Variants in CELF2 observed in about 807,000 individuals in gnomAD.
CELF2 encodes the protein CUGBP Elav-like family member 2.
CELF2 carries 8 observed loss-of-function variants against 62.6 expected under a neutral mutation model. The observed-to-expected ratio is 0.13, with a 90% CI of 0.07 to 0.23. CELF2 has a LOEUF of 0.23. Among genes scored for constraint, CELF2 ranks in the 10% least tolerant of loss-of-function variants. The pLI, the probability that CELF2 is intolerant of heterozygous loss-of-function variation, is 1.00. For synonymous variants in CELF2, 258 were observed against 250.0 expected, an observed-to-expected ratio of 1.03 and a Z score of -0.30; for missense variants, 333 against 671.0, an observed-to-expected ratio of 0.50 and a Z score of 5.56.
rs890030855 is a variant in CELF2 at position 11,152,343 on chromosome 10, G to A, written c.75-13143G>A. Reference sequence around the variant, plus strand: ...TGAGGAATATAAGAGCAGTGACAACGCATTGTTCATCATTGTGTTCTGAAC... The same window carrying A: ...TGAGGAATATAAGAGCAGTGACAACACATTGTTCATCATTGTGTTCTGAAC... On this transcript the variant is annotated intron_variant, in intron 1 of 12. Coordinates refer to ENST00000633077, the MANE Select transcript of CELF2 (RefSeq NM_001326342.2). Among the ~76,000 whole-genome samples, 8 of 152,122 alleles carry A rather than the reference G, an allele frequency of 5.3e-5. No homozygotes were observed. In the South Asian group the frequency reaches 6.2e-4, roughly 12 times the overall value.
chr10:10,678,790 A>C, the CELF2 span, among the ~76,000 whole-genome samples: 1 of 152,220 alleles, frequency 6.6e-6, no homozygotes, highest in East Asian at 1.9e-4. Flanking sequence ...AGGAAGTTAT[A>C]GTTCTCTGTT....
Position 11,217,198 on chromosome 10 carries a change from G to T in CELF2, c.272-227G>T, listed in dbSNP as rs1196536093. 6.6e-6 allele frequency among the ~76,000 whole-genome samples: 1 copy of T among 152,186 alleles called. No homozygotes were observed. The highest frequency in any genetic ancestry group is 6.5e-5 in the Admixed American group (1 of 15,276). ...AATAGCTGTATTCCAGAGAGGTGAG[G>T]CACAGAGTCAGGAATTGATCTCCAA... On this transcript the variant is annotated intron_variant, in intron 2 of 12. Transcript: ENST00000633077. The surrounding 1 kb of genome is among the most constrained non-coding windows in gnomAD (Gnocchi z 5.6).
intron 1 of CELF2, chr10:11,096,271 C>T (rs369579434): frequency 6.6e-6 from 1 of 152,192 alleles, no homozygotes; most frequent in Non-Finnish European, 1.5e-5. Context: ...TGTTGCCTCC[C>T]TCCTGCTAAT....
chr10:11,114,073 T>G (rs1340068462), intron 1 of CELF2, among the ~76,000 whole-genome samples: 1 of 152,200 alleles, frequency 6.6e-6, no homozygotes, highest in Non-Finnish European at 1.5e-5. Context: ...AATGCTTCTG[T>G]GCTTTGATTA....
In CELF2 at chr10:11,025,668, G is replaced by A. The variant is rs114953163; in HGVS notation, c.74+7505G>A. On this transcript the variant is annotated intron_variant, in intron 1 of 12. Transcript: ENST00000633077. ...ATGGACTAATACAGCATAGGTCTTCGCTTTCTTAAAATATTTACCACGAAA... is the reference window on the plus strand; with the variant it reads ...ATGGACTAATACAGCATAGGTCTTCACTTTCTTAAAATATTTACCACGAAA... 2.4e-3 allele frequency among the ~76,000 whole-genome samples: 371 copies of A among 152,250 alleles called. 4 individuals are homozygous for A. Among genetic ancestry groups the A allele is most frequent in the South Asian group, 8.1e-3 (39 of 4,820 alleles).
chr10:10,650,892 T>A, the CELF2 span, among the ~76,000 whole-genome samples: 1 of 152,006 alleles, frequency 6.6e-6, no homozygotes, highest in Admixed American at 6.5e-5. Flanking sequence ...TAGGAACAGC[T>A]CCGGTCTACA....
intron 8 of CELF2, among the ~76,000 whole-genome samples, chr10:11,282,593 G>T (rs1335433347): frequency 1.3e-5 from 2 of 152,196 alleles, no homozygotes; most frequent in African/African-American, 4.8e-5. Flanking sequence ...CTTCTTTTTT[G>T]AGCTTAACTC....
Position 11,178,764 on chromosome 10 carries a change from G to A in CELF2, c.271+13082G>A, listed in dbSNP as rs1173900400. On this transcript the variant is annotated intron_variant, in intron 2 of 12. Transcript: ENST00000633077. The surrounding 1 kb of genome is among the most constrained non-coding windows in gnomAD (Gnocchi z 4.3). ...CGGCTAGAATGCTCAGGAGATAAGA[G>A]TGGGGCCTATCGCTCTGTGGCTTTC... is the stretch of plus-strand genomic sequence containing the variant. Among the ~76,000 whole-genome samples the A allele has an allele frequency of 6.6e-6, 1 of 152,248 alleles. No individual in the cohort carries two copies. The highest frequency in any genetic ancestry group is 2.4e-5 in the African/African-American group (1 of 41,470).
chr10:10,589,303 C>A, the CELF2 span, among the ~76,000 whole-genome samples: 1 of 152,170 alleles, frequency 6.6e-6, no homozygotes, highest in Non-Finnish European at 1.5e-5. Flanking sequence ...GCAGATGAAG[C>A]TTCCCACTTA....
At position 10,893,790 on chromosome 10, in the gene CELF2, G is replaced by A. The variant is rs76128140; in HGVS notation, c.54-26174G>A. Among the ~76,000 whole-genome samples, 871 of 152,256 alleles carry A rather than the reference G, an allele frequency of 5.7e-3. 7 individuals are homozygous for A. Among genetic ancestry groups the A allele is most frequent in the African/African-American group, 0.019 (804 of 41,534 alleles). ...GTACACTTTTAAACAATCAGATCTC[G>A]TGAGAGCTCACTCACTATCTCAAGA... is the stretch of plus-strand genomic sequence containing the variant. On this transcript the variant is annotated intron_variant, in intron 1 of 13. Coordinates refer to the CELF2 transcript ENST00000636488.
At position 10,993,531 on chromosome 10, in the gene CELF2, A is replaced by G. The variant is rs1223724401; in HGVS notation, c.89+73532A>G. Among the ~76,000 whole-genome samples the G allele has an allele frequency of 6.6e-6, 1 of 152,194 alleles. No homozygotes were observed. Among genetic ancestry groups the G allele is most frequent in the Non-Finnish European group, 1.5e-5 (1 of 68,028 alleles). On this transcript the variant is annotated intron_variant, in intron 2 of 13. Coordinates refer to the CELF2 transcript ENST00000636488. The surrounding 1 kb of genome is among the most constrained non-coding windows in gnomAD (Gnocchi z 5.3). ...GTATAGAAGTCTAACAGCCTAAGCC[A>G]CTGGGAACACACTTGTAGTCAAAGC...
intron 1 of CELF2, among the ~76,000 whole-genome samples, chr10:10,804,323 A>G (rs1171791023): frequency 6.6e-6 from 1 of 152,248 alleles, no homozygotes. Flanking sequence ...ACTTTATTTA[A>G]ACAGATTGTC....
At chr10:11,062,428 G>A (rs1267279029) in intron 1 of CELF2, among the ~76,000 whole-genome samples, 2 of 152,224 alleles carry the variant, frequency 1.3e-5, no homozygotes, top group South Asian at 2.1e-4. Flanking sequence ...CCATATTAGA[G>A]GTCATTAAGA....
the CELF2 span, among the ~76,000 whole-genome samples, chr10:10,724,655 C>CAAAAAAAAAAA: frequency 1.2e-5 from 1 of 81,184 alleles, no homozygotes; most frequent in Non-Finnish European, 2.3e-5. Flanking sequence ...GACTCCGTCT[C>CAAAAAAAAAAA]AAAAAAAAAA....
intron 1 of CELF2, among the ~76,000 whole-genome samples, chr10:11,109,834 C>T (rs901328357): frequency 2.6e-5 from 4 of 152,160 alleles, no homozygotes; most frequent in African/African-American, 7.2e-5. Context: ...CCTCTCTCCC[C>T]GCCCCCTGAC....
chr10:11,319,802 T>G lies in CELF2; in HGVS notation c.1097-1387T>G, dbSNP rs773991574. The G allele has an allele frequency of 4.2e-6, 2 of 471,076 alleles. No individual in the cohort carries two copies. Among genetic ancestry groups the G allele is most frequent in the South Asian group, 3.1e-5 (2 of 64,558 alleles). 29.2% of individuals were successfully genotyped at this position (471,076 alleles called of 1,614,324 possible). ...CCTAATTCATATCTTACATGTGTCC[T>G]TTTAATTGAAGAGGCGAAGTTGGCC... On this transcript the variant is annotated intron_variant, in intron 10 of 12. Transcript: ENST00000633077. This position sits in a 1 kb window ranked among gnomAD's most constrained non-coding sequence, Gnocchi z 4.4.
the CELF2 span, among the ~76,000 whole-genome samples, chr10:10,634,919 C>T: frequency 6.6e-6 from 1 of 152,268 alleles, no homozygotes; most frequent in South Asian, 2.1e-4. Context: ...TGCTGTGGGT[C>T]AAGGTGATTC....
rs1352579460 is a variant in CELF2 at position 10,975,324 on chromosome 10, C to T, written c.89+55325C>T. 2.6e-5 allele frequency among the ~76,000 whole-genome samples: 4 copies of T among 152,232 alleles called. No individual in the cohort carries two copies. In the Middle Eastern group the frequency reaches 0.01, roughly 388 times the overall value. ...GTAGACACGGGGTCTCATTGTGTTG[C>T]AAAGGCTGGTGTCAAACTCCTGGGC... On this transcript the variant is annotated intron_variant, in intron 2 of 13. Coordinates refer to the CELF2 transcript ENST00000636488.
intron 1 of CELF2, among the ~76,000 whole-genome samples, chr10:10,857,694 A>T (rs2059824830): frequency 8.5e-6 from 1 of 117,464 alleles, no homozygotes; most frequent in South Asian, 2.8e-4. Context: ...TTACCTCAAT[A>T]AAAAAAAATA....
Sources: allele counts gnomAD v4.1 joint callset (sites outside exome capture counted in the v4.1 genomes callset), GRCh38; gene constraint gnomAD v4.1.1; non-coding constraint Gnocchi (gnomAD v3.1); transcripts MANE v1.5; gene names NCBI Gene and HGNC (gene_info 2026-07-23, HGNC 2026-07-21).